Variants in FHIT observed in about 807,000 individuals in gnomAD.
FHIT encodes bis(5'-adenosyl)-triphosphatase.
FHIT carries 19 observed loss-of-function variants against 17.9 expected under a neutral mutation model. The ratio of observed to expected loss-of-function variants is 1.06; its 90% CI spans 0.74 to 1.56. The LOEUF (loss-of-function observed/expected upper bound fraction) is 1.56. Ranked by LOEUF, FHIT falls within the 40% of genes most tolerant of loss-of-function variation. The pLI is 0.00. For missense variants in FHIT, 248 were observed against 189.2 expected (o/e 1.31, Z -1.82); for synonymous variants, 81 against 69.7 (o/e 1.16, Z -0.81).
At chr3:59,887,191 CAT>C (rs1439284483) in intron 8 of FHIT, among the ~76,000 whole-genome samples, 1 of 152,198 alleles carries the variant, frequency 6.6e-6, no homozygotes, top group Non-Finnish European at 1.5e-5. Context: ...TATCAAGTGA[CAT>C]AGCCTCGCAG....
chr3:61,004,683 C>T (rs2031323817), intron 3 of FHIT, among the ~76,000 whole-genome samples: 1 of 152,052 alleles, frequency 6.6e-6, no homozygotes, highest in Non-Finnish European at 1.5e-5. Context: ...CCTCACTCTC[C>T]TTCCATTTTC....
At chr3:61,018,911 CT>C (rs1276971747) in intron 3 of FHIT, among the ~76,000 whole-genome samples, 21 of 152,214 alleles carry the variant, frequency 1.4e-4, no homozygotes, top group Admixed American at 5.9e-4. Flanking sequence ...TAAAACACAA[CT>C]GATAAACCTG....
intron 5 of FHIT, among the ~76,000 whole-genome samples, chr3:60,138,687 T>G (rs534091102): frequency 6.6e-6 from 1 of 152,078 alleles, no homozygotes; most frequent in Non-Finnish European, 1.5e-5. Flanking sequence ...GTTGAGCTTT[T>G]CGAAGTACAG....
At chr3:60,667,867 T>C (rs1577048730) in intron 4 of FHIT, among the ~76,000 whole-genome samples, 1 of 152,174 alleles carries the variant, frequency 6.6e-6, no homozygotes, top group East Asian at 1.9e-4. Flanking sequence ...TTGATTAATC[T>C]GGTTGCAAGA....
At chr3:60,395,827 A>G (rs1261718333) in intron 5 of FHIT, among the ~76,000 whole-genome samples, 1 of 152,222 alleles carries the variant, frequency 6.6e-6, no homozygotes, top group Non-Finnish European at 1.5e-5. Context: ...CATTTACAAT[A>G]GAATTTTGCA....
chr3:60,899,835 T>C (rs182966653), intron 3 of FHIT, among the ~76,000 whole-genome samples: 2 of 152,074 alleles, frequency 1.3e-5, no homozygotes, highest in Admixed American at 1.3e-4. Context: ...GGATGGAATG[T>C]GATAATAAAG....
intron 3 of FHIT, among the ~76,000 whole-genome samples, chr3:61,011,554 A>G (rs2031790241): frequency 6.6e-6 from 1 of 152,092 alleles, no homozygotes; most frequent in Non-Finnish European, 1.5e-5. Context: ...TACAGTCTAT[A>G]ACTGTATAAA....
chr3:60,607,897 G>A (rs891067587), intron 4 of FHIT, among the ~76,000 whole-genome samples: 10 of 152,118 alleles, frequency 6.6e-5, no homozygotes, highest in Admixed American at 3.3e-4. Flanking sequence ...AAGGATGAAT[G>A]GAGAATAGTG....
intron 4 of FHIT, among the ~76,000 whole-genome samples, chr3:60,757,522 C>CT: frequency 6.6e-6 from 1 of 152,094 alleles, no homozygotes; most frequent in Non-Finnish European, 1.5e-5. Flanking sequence ...TCAAGCATGT[C>CT]GAGGGTTGAA....
At chr3:60,310,998 TAC>T (rs1708918475) in intron 5 of FHIT, among the ~76,000 whole-genome samples, 1 of 152,188 alleles carries the variant, frequency 6.6e-6, no homozygotes, top group African/African-American at 2.4e-5. Context: ...TCCACCCCAG[TAC>T]AGTTACTAAT....
chr3:60,042,144 T>A (rs1249614086), intron 5 of FHIT, among the ~76,000 whole-genome samples: 1 of 152,190 alleles, frequency 6.6e-6, no homozygotes, highest in Non-Finnish European at 1.5e-5. Context: ...AGCTCTGAGC[T>A]CTTTGTGTTC....
rs1387213933 is a variant in FHIT, at chr3:61,011,753, A to AG, written c.-111+30293dup. Among the ~76,000 whole-genome samples the AG allele has an allele frequency of 3.9e-5, 6 of 152,144 alleles. No homozygotes were observed. The East Asian group carries it at 1.2e-3, about 29-fold the overall frequency. Reference sequence around the variant, plus strand: ...ATTGTCAAAGAATACATTGCTCCTGAGAAAAAAGTCCCATGAGAGCAAAGC... The same window carrying AG: ...ATTGTCAAAGAATACATTGCTCCTGAGGAAAAAAGTCCCATGAGAGCAAAGC... On this transcript the variant is annotated intron_variant, in intron 3 of 9. Transcript: ENST00000492590.
intron 3 of FHIT, among the ~76,000 whole-genome samples, chr3:60,833,612 G>T (rs1369914216): frequency 6.6e-6 from 1 of 152,004 alleles, no homozygotes; most frequent in Admixed American, 6.6e-5. Flanking sequence ...TCACATGAAG[G>T]TTGTAAGAAA....
chr3:59,752,333 A>C lies in FHIT; in HGVS notation c.349-12T>G. 4 of 1,605,834 alleles carry C rather than the reference A, an allele frequency of 2.5e-6. No homozygotes were observed. ...TCATGTTTCTGGAGCTTTGGAGAAA[A>C]AAAAAGGAAGAGGCTCTTTCATGGG... On this transcript the variant is annotated splice_polypyrimidine_tract_variant and intron_variant, in intron 8 of 9. Transcript: ENST00000492590.
At chr3:59,980,492 T>C (rs1708604964) in intron 7 of FHIT, among the ~76,000 whole-genome samples, 1 of 152,176 alleles carries the variant, frequency 6.6e-6, no homozygotes, top group Non-Finnish European at 1.5e-5. Flanking sequence ...AACCGGACTT[T>C]GGAATTTTAT....
At chr3:59,937,012 C>A (rs1367588634) in intron 7 of FHIT, among the ~76,000 whole-genome samples, 3 of 152,116 alleles carry the variant, frequency 2.0e-5, no homozygotes. Flanking sequence ...TAGAGACAGA[C>A]AAATGGTTTG....
At chr3:60,796,356 G>C (rs1301999330) in intron 4 of FHIT, among the ~76,000 whole-genome samples, 1 of 151,826 alleles carries the variant, frequency 6.6e-6, no homozygotes, top group Non-Finnish European at 1.5e-5. Context: ...ATTTTTTCCA[G>C]TTTTTTGGCT....
At chr3:60,673,582 A>G (rs2107846897) in intron 4 of FHIT, among the ~76,000 whole-genome samples, 1 of 152,272 alleles carries the variant, frequency 6.6e-6, no homozygotes, top group Non-Finnish European at 1.5e-5. Flanking sequence ...TGTGTGGCTT[A>G]ATACCTAGGT....
intron 5 of FHIT, among the ~76,000 whole-genome samples, chr3:60,297,852 T>C (rs1162877813): frequency 1.3e-5 from 2 of 152,062 alleles, no homozygotes; most frequent in Admixed American, 6.6e-5. Context: ...AGGTTAGGGG[T>C]TCAGTCCCAC....
Sources: gnomAD v4.1 joint callset for allele counts (sites outside exome capture counted in the v4.1 genomes callset) on GRCh38, gnomAD v4.1.1 for gene constraint, MANE v1.5 for transcripts, NCBI Gene and HGNC (gene_info 2026-07-23, HGNC 2026-07-21) for gene names.